The following CLTCL1 variants were observed in gnomAD, a reference collection of about 807,000 sequenced individuals.
The protein encoded by CLTCL1 is clathrin heavy chain 2.
In CLTCL1, 159 loss-of-function variants were observed where a neutral mutation model predicts 190.0. The observed-to-expected ratio is 0.84, with a 90% CI of 0.74 to 0.95. CLTCL1 has a LOEUF of 0.95. CLTCL1 is among the 40% of genes least tolerant of loss of function. The pLI is 0.00. For synonymous variants in CLTCL1, 752 were observed against 769.6 expected (o/e 0.98, Z 0.38); for missense variants, 1,878 against 2,033.4 (o/e 0.92, Z 1.47).
In CLTCL1 at chr22:19,183,543, C is replaced by G; in HGVS notation, c.4674G>C (p.Leu1558=). Residue 1558 remains leucine, a synonymous_variant, in exon 30 of 33, where the codon CTG becomes CTC. Coordinates refer to ENST00000427926, the MANE Select transcript of CLTCL1 (RefSeq NM_007098.4). ...ELAQKLLQWF[L]EEGKRECFAA... ...CGAAGCACTCCCTCTTGCCTTCCTCCAGGAACCACTGCAGCAACTTCTGGG... is the reference window on the plus strand; with the variant it reads ...CGAAGCACTCCCTCTTGCCTTCCTCGAGGAACCACTGCAGCAACTTCTGGG... 1 of 1,613,824 alleles carries G rather than the reference C, an allele frequency of 6.2e-7. No individual in the cohort carries two copies. The highest frequency in any genetic ancestry group is 8.5e-7 in the Non-Finnish European group (1 of 1,179,890).
intron 2 of CLTCL1, among the ~76,000 whole-genome samples, chr22:19,273,542 T>C (rs2087393312): frequency 6.6e-6 from 1 of 152,050 alleles, no homozygotes; most frequent in Admixed American, 6.6e-5. Flanking sequence ...GCAAGGGCCC[T>C]CTGAGACCAC....
At chr22:19,223,788 C>A (rs112298481) in intron 14 of CLTCL1, 103 bp downstream of exon 14, 15 of 1,380,146 alleles carry the variant, frequency 1.1e-5, no homozygotes, top group Non-Finnish European at 1.4e-5. Flanking sequence ...GGGTCCCTGG[C>A]GAGACAGATC....
In CLTCL1 at chr22:19,183,385, C is replaced by T; in HGVS notation, c.4827+5G>A. The T allele has an allele frequency of 6.2e-7, 1 of 1,612,274 alleles. No homozygotes were observed. The highest frequency in any genetic ancestry group is 8.5e-7 in the Non-Finnish European group (1 of 1,179,280). On this transcript the variant is annotated splice_donor_5th_base_variant and intron_variant, in intron 30 of 32. Coordinates refer to ENST00000427926, the MANE Select transcript of CLTCL1 (RefSeq NM_007098.4). ...CCGGGGAGCTGCAGCCGGCCCGGCA[C>T]CTACCTTGCTCAGGTACTCCCTCAT...
Position 19,183,976 on chromosome 22 carries a change from G to A in CLTCL1, c.4606-365C>T. The A allele has an allele frequency of 2.0e-5, 7 of 348,676 alleles. No homozygotes were observed. In the South Asian group the frequency reaches 2.2e-4, roughly 11 times the overall value. 21.6% of individuals were successfully genotyped at this position (348,676 alleles called of 1,614,324 possible). A position where few individuals can be genotyped will look rare whatever the true frequency, so the allele number is the denominator to read the frequency against. ...CTGCACTCAGGTCCATGGAGCGTGT[G>A]ACACCAGGGGAGCAGTTAGGAGGGG... On this transcript the variant is annotated intron_variant, in intron 29 of 32. Coordinates refer to ENST00000427926, the MANE Select transcript of CLTCL1 (RefSeq NM_007098.4).
At chr22:19,275,347 C>T (rs62223919) in intron 2 of CLTCL1, among the ~76,000 whole-genome samples, 11 of 151,954 alleles carry the variant, frequency 7.2e-5, no homozygotes, top group Non-Finnish European at 1.2e-4. Context: ...ATGCACAGTG[C>T]TGTTGTGCGT....
At chr22:19,239,174 A>C in intron 5 of CLTCL1, 101 bp downstream of exon 5, 2 of 880,900 alleles carry the variant, frequency 2.3e-6, no homozygotes, top group Non-Finnish European at 3.8e-6. Flanking sequence ...CAGTGGCAGG[A>C]GACAGCAGAA....
At chr22:19,256,172 A>T (rs9604936) in intron 2 of CLTCL1, among the ~76,000 whole-genome samples, 151,788 of 151,842 alleles carry the variant, frequency 1, 75,867 homozygotes, top group Middle Eastern at 1. Flanking sequence ...CTTTCTTTTT[A>T]ATAGATACAG....
At chr22:19,184,056 C>T (rs538612413) in intron 29 of CLTCL1, 65 of 259,116 alleles carry the variant, frequency 2.5e-4, no homozygotes, top group Admixed American at 1.6e-3. Flanking sequence ...GGCTCAAAAA[C>T]CCCTAACTGC....
chr22:19,215,572 G>A (rs1555949016), intron 19 of CLTCL1, among the ~76,000 whole-genome samples: 1 of 152,082 alleles, frequency 6.6e-6, no homozygotes, highest in Non-Finnish European at 1.5e-5. Flanking sequence ...CGGTCCGTGT[G>A]GAAGCGTGCA....
intron 2 of CLTCL1, chr22:19,258,243 C>G: frequency 2.9e-6 from 1 of 344,736 alleles, no homozygotes; most frequent in South Asian, 2.4e-5. Context: ...GTCCAAATAT[C>G]AGGACCTTGG....
intron 29 of CLTCL1, among the ~76,000 whole-genome samples, chr22:19,185,136 C>T (rs1555927671): frequency 6.6e-6 from 1 of 152,236 alleles, no homozygotes; most frequent in East Asian, 1.9e-4. Context: ...GGGCAGGCTC[C>T]TCCAGTGGCA....
In CLTCL1 at chr22:19,216,195, G is replaced by A; in HGVS notation, c.2981C>T (p.Ala994Val). The change falls in exon 19 of 33, where the codon GCC becomes GTC. Residue 994 changes from alanine (A) to valine (V), a missense_variant. Physicochemically the swap from Ala to Val is moderately conservative, Grantham distance 64. Transcript: ENST00000427926. The stretch of plus-strand genomic sequence containing the variant: ...ATTAGGCAGGTCGGCTGTCATAAAG[G>A]CTTTGACAGTGACCGAAATCTCTTC... ...DPEEISVTVK[A>V]FMTADLPNEL... 1 of 1,613,622 alleles carries A rather than the reference G, an allele frequency of 6.2e-7. No homozygotes were observed. Among genetic ancestry groups the A allele is most frequent in the Non-Finnish European group, 8.5e-7 (1 of 1,179,530 alleles).
At chr22:19,262,013 A>T (rs188859281) in intron 2 of CLTCL1, among the ~76,000 whole-genome samples, 41 of 152,112 alleles carry the variant, frequency 2.7e-4, no homozygotes, top group East Asian at 3.9e-4. Flanking sequence ...GTCTTTTTTT[A>T]AAATTATTTA....
At position 19,221,396 on chromosome 22, in the gene CLTCL1, C is replaced by A; in HGVS notation, c.2777G>T (p.Cys926Phe). 6.4e-7 allele frequency: 1 copy of A among 1,553,136 alleles called. No homozygotes were observed. Among genetic ancestry groups the A allele is most frequent in the Non-Finnish European group, 8.7e-7 (1 of 1,147,806 alleles). ...ACCCACCTTGATGAGCTCAAGGTCA[C>A]ACTGCCCCCGCTCATAGGCAACACA... ...LACVAYERGQCDLELIKVCNE... is the reference protein window; with the variant it reads ...LACVAYERGQFDLELIKVCNE... Residue 926 changes from cysteine to phenylalanine, a missense_variant, in exon 17 of 33, where the codon TGT (cysteine) becomes TTT (phenylalanine). Physicochemically the swap from Cys to Phe is radical, Grantham distance 205 (BLOSUM62 -2). Transcript: ENST00000427926.
chr22:19,209,096 C>A lies in CLTCL1; in HGVS notation c.3268G>T (p.Gly1090Ter). 1 of 1,605,390 alleles carries A rather than the reference C, an allele frequency of 6.2e-7. No individual in the cohort carries two copies. The highest frequency in any genetic ancestry group is 8.5e-7 in the Non-Finnish European group (1 of 1,175,596). ...SAIQVLIEHI[G>*]NLDRAYEFAE... The stretch of plus-strand genomic sequence containing the variant: ...AACTCATATGCCCGGTCCAGGTTTC[C>A]AATGTGCTCGATCAGGACCTAGGGG... Residue 1090 changes from glycine to a stop codon, truncating the protein, a stop_gained, in exon 21 of 33, where the codon GGA becomes TGA. Coordinates refer to ENST00000427926, the MANE Select transcript of CLTCL1 (RefSeq NM_007098.4). LOFTEE classifies it high-confidence loss of function.
chr22:19,220,217 TACA>T (rs1237836517), intron 17 of CLTCL1, among the ~76,000 whole-genome samples: 2 of 152,240 alleles, frequency 1.3e-5, no homozygotes, highest in South Asian at 4.2e-4. Flanking sequence ...TTTCCAAGTT[TACA>T]ACAACTCCCA....
intron 28 of CLTCL1, 90 bp downstream of exon 28, chr22:19,187,891 G>A (rs1275464179): frequency 1.4e-6 from 2 of 1,426,648 alleles, no homozygotes; most frequent in Non-Finnish European, 2.0e-6. Context: ...ACACCCTCCT[G>A]TGCAAAGGCA....
At position 19,222,684 on chromosome 22, in the gene CLTCL1, C is replaced by T. The variant is rs1201701600; in HGVS notation, c.2418G>A (p.Lys806=). ...TGTCACTCCAGGGAGCCAGCAGTAC[C>T]TTCTGCACGTAGATCTCAATGTACC... ...LQRYIEIYVQ[K]VNPSRTPAVI... The change falls in exon 15 of 33, where the codon AAG becomes AAA. Residue 806 remains lysine (K), a splice_region_variant and synonymous_variant. Coordinates refer to ENST00000427926, the MANE Select transcript of CLTCL1 (RefSeq NM_007098.4). The T allele has an allele frequency of 1.9e-6, 3 of 1,589,038 alleles. No homozygotes were observed. The highest frequency in any genetic ancestry group is 2.6e-6 in the Non-Finnish European group (3 of 1,167,642).
At chr22:19,185,695 T>A (rs1296991153) in intron 29 of CLTCL1, among the ~76,000 whole-genome samples, 2 of 152,118 alleles carry the variant, frequency 1.3e-5, no homozygotes, top group Non-Finnish European at 2.9e-5. Flanking sequence ...TGGCTCGGAG[T>A]GGGTGGCTGG....
Sources: gnomAD v4.1 joint callset for allele counts (sites outside exome capture counted in the v4.1 genomes callset) on GRCh38, gnomAD v4.1.1 for gene constraint, MANE v1.5 for transcripts, NCBI Gene and HGNC (gene_info 2026-07-23, HGNC 2026-07-21) for gene names.